Variants in KCNN3 observed in about 807,000 individuals in gnomAD.
KCNN3 encodes small conductance calcium-activated potassium channel protein 3.
Under a neutral mutation model 62.9 loss-of-function variants are expected in KCNN3, and 16 were observed. That is an observed-to-expected ratio of 0.25 (90% confidence interval 0.17 to 0.39). KCNN3 has a LOEUF of 0.39. KCNN3 is among the 10% of genes least tolerant of loss of function. The pLI is 1.00. For synonymous variants in KCNN3, 370 were observed against 389.2 expected (o/e 0.95, Z 0.58); for missense variants, 599 against 949.4 (o/e 0.63, Z 4.85).
rs1474879360 is a variant in KCNN3 at position 154,697,872 on chromosome 1, C to T, written c.*10104G>A. 1 of 152,090 alleles carries T rather than the reference C, an allele frequency of 6.6e-6. No individual in the cohort carries two copies. Among genetic ancestry groups the T allele is most frequent in the Non-Finnish European group, 1.5e-5 (1 of 68,020 alleles). 9.4% of individuals were successfully genotyped at this position (152,090 alleles called of 1,614,324 possible). The stretch of plus-strand genomic sequence containing the variant: ...AATTCCTGTAGATGAGTCATTTGCT[C>T]CTCAGTTTTCTATGGCCCAATTTTC... On this transcript the variant is annotated 3_prime_UTR_variant, in exon 8 of 8. Transcript: ENST00000271915.
chr1:154,752,685 A>G (rs139856817), intron 3 of KCNN3, among the ~76,000 whole-genome samples: 1 of 152,170 alleles, frequency 6.6e-6, no homozygotes, highest in Non-Finnish European at 1.5e-5. Flanking sequence ...AACAATTCCT[A>G]GCCTCCTACA....
At chr1:154,825,903 C>T (rs1257480008) in intron 1 of KCNN3, among the ~76,000 whole-genome samples, 1 of 151,452 alleles carries the variant, frequency 6.6e-6, no homozygotes, top group Admixed American at 6.6e-5. Flanking sequence ...AAAAAATTAG[C>T]GGGACGTGGT....
chr1:154,782,877 C>T (rs1649107950), intron 2 of KCNN3, among the ~76,000 whole-genome samples: 1 of 152,204 alleles, frequency 6.6e-6, no homozygotes, highest in Admixed American at 6.5e-5. Flanking sequence ...TAAGCAGGCA[C>T]TCTATTTGGG....
intron 6 of KCNN3, among the ~76,000 whole-genome samples, chr1:154,714,081 T>A (rs367875747): frequency 1.0e-5 from 1 of 96,802 alleles, no homozygotes; most frequent in South Asian, 3.5e-4. Context: ...TTGTGTGTGG[T>A]GTTTGTGTGT....
intron 2 of KCNN3, among the ~76,000 whole-genome samples, chr1:154,810,329 G>A (rs1458993326): frequency 1.3e-5 from 2 of 152,188 alleles, no homozygotes; most frequent in African/African-American, 4.8e-5. Flanking sequence ...AGGGCCTGGG[G>A]ACTATCAGGG....
At position 154,703,914 on chromosome 1, in the gene KCNN3, G is replaced by C. The variant is rs1699915498; in HGVS notation, c.*4062C>G. 6.6e-6 allele frequency: 1 copy of C among 152,184 alleles called. No homozygotes were observed. The highest frequency in any genetic ancestry group is 2.1e-4 in the South Asian group (1 of 4,836). 9.4% of individuals were successfully genotyped at this position (152,184 alleles called of 1,614,324 possible). On this transcript the variant is annotated 3_prime_UTR_variant, in exon 8 of 8. Transcript: ENST00000271915. ...ATATTAATTATTCTCTTCATTTTAA[G>C]TACAGAGAAATTGATGTATTAGGTG...
chr1:154,829,865 G>A (rs1651313266), intron 1 of KCNN3, among the ~76,000 whole-genome samples: 1 of 152,174 alleles, frequency 6.6e-6, no homozygotes, highest in South Asian at 2.1e-4. Flanking sequence ...CATGCCTGGT[G>A]TCTCCCATTG....
intron 3 of KCNN3, among the ~76,000 whole-genome samples, chr1:154,740,606 C>T (rs755250561): frequency 6.6e-6 from 1 of 152,234 alleles, no homozygotes; most frequent in Non-Finnish European, 1.5e-5. Flanking sequence ...TAGGCTTCCA[C>T]CAGAGGTGGA....
chr1:154,834,713 CAGGA>C (rs952353215), intron 1 of KCNN3, among the ~76,000 whole-genome samples: 1 of 152,304 alleles, frequency 6.6e-6, no homozygotes, highest in African/African-American at 2.4e-5. Context: ...TTAATCCTCA[CAGGA>C]AGGAACTGTC....
intron 2 of KCNN3, among the ~76,000 whole-genome samples, chr1:154,783,690 G>A (rs1649153653): frequency 6.6e-6 from 1 of 152,176 alleles, no homozygotes; most frequent in Admixed American, 6.5e-5. Context: ...TGTGAGCTGT[G>A]GGACTGGAAG....
At chr1:154,842,309 A>G (rs6704241) in intron 1 of KCNN3, among the ~76,000 whole-genome samples, 48,200 of 151,972 alleles carry the variant, frequency 0.32, 8,063 homozygotes, top group African/African-American at 0.37. Flanking sequence ...GGGTCCACAC[A>G]CAGTTCAGGC....
chr1:154,805,136 C>T (rs1440944541), intron 2 of KCNN3, among the ~76,000 whole-genome samples: 1 of 152,018 alleles, frequency 6.6e-6, no homozygotes, highest in African/African-American at 2.4e-5. Flanking sequence ...AGTCAGGGTT[C>T]GAGTGAGGCG....
At chr1:154,731,415 G>A (rs1328673068) in intron 4 of KCNN3, among the ~76,000 whole-genome samples, 3 of 152,226 alleles carry the variant, frequency 2.0e-5, no homozygotes, top group African/African-American at 7.2e-5. Context: ...CTGGACTGGA[G>A]TCAGAAAGGA....
intron 1 of KCNN3, among the ~76,000 whole-genome samples, chr1:154,828,484 G>T (rs557243637): frequency 3.9e-5 from 6 of 151,992 alleles, no homozygotes; most frequent in African/African-American, 9.7e-5. Flanking sequence ...TTTTAGTCAT[G>T]GGGGGGCTAA....
chr1:154,748,786 T>G (rs1289447378), intron 3 of KCNN3, among the ~76,000 whole-genome samples: 1 of 152,204 alleles, frequency 6.6e-6, no homozygotes. Context: ...CATAGTGAGA[T>G]GCTGTCTCTA....
chr1:154,781,955 G>T (rs74530466), intron 2 of KCNN3, among the ~76,000 whole-genome samples: 1 of 152,366 alleles, frequency 6.6e-6, no homozygotes, highest in East Asian at 1.9e-4. Flanking sequence ...GTCCCAGACA[G>T]CCAGGACAGG....
intron 7 of KCNN3, among the ~76,000 whole-genome samples, chr1:154,712,657 C>T (rs1448767498): frequency 6.6e-6 from 1 of 152,088 alleles, no homozygotes; most frequent in East Asian, 1.9e-4. Context: ...CCAGCCTGGC[C>T]CTGGGCTGTA....
chr1:154,717,997 C>G (rs1441310487), intron 5 of KCNN3, among the ~76,000 whole-genome samples: 7 of 152,092 alleles, frequency 4.6e-5, no homozygotes, highest in Non-Finnish European at 8.8e-5. Context: ...CCAAAGGGCT[C>G]CATGCACCCT....
chr1:154,774,925 T>C (rs563073934), intron 2 of KCNN3, among the ~76,000 whole-genome samples: 29 of 152,198 alleles, frequency 1.9e-4, no homozygotes, highest in Non-Finnish European at 3.8e-4. Context: ...GAGAAATTAA[T>C]GTTGGGGCCA....
Sources: allele counts gnomAD v4.1 joint callset (sites outside exome capture counted in the v4.1 genomes callset), GRCh38; gene constraint gnomAD v4.1.1; transcripts MANE v1.5; gene names NCBI Gene and HGNC (gene_info 2026-07-23, HGNC 2026-07-21).